The following SLC25A38 variants were observed in gnomAD, a reference collection of about 807,000 sequenced individuals.
SLC25A38 encodes the protein solute carrier family 25 member 38, also known as mitochondrial glycine transporter.
SLC25A38 carries 27 observed loss-of-function variants against 33.4 expected under a neutral mutation model. The observed-to-expected ratio is 0.81, with a 90% confidence interval of 0.60 to 1.11. SLC25A38 has a LOEUF of 1.11. Among genes scored for constraint, SLC25A38 ranks in the 50% most tolerant of loss-of-function variants. SLC25A38 has a pLI of 0.00. For missense variants in SLC25A38, 344 were observed against 388.8 expected, an observed-to-expected ratio of 0.88 and a Z score of 0.97; for synonymous variants, 123 against 145.9, an observed-to-expected ratio of 0.84 and a Z score of 1.13.
intron 6 of SLC25A38, among the ~76,000 whole-genome samples, chr3:39,396,006 C>A (rs756624451): frequency 6.6e-6 from 1 of 151,818 alleles, no homozygotes; most frequent in Admixed American, 6.6e-5. Flanking sequence ...GTCAGGAGTT[C>A]GAGACCAGCC....
chr3:39,395,206 A>C (rs773162142), intron 6 of SLC25A38, among the ~76,000 whole-genome samples: 1 of 152,228 alleles, frequency 6.6e-6, no homozygotes, highest in South Asian at 2.1e-4. Context: ...CCTGGGCCAC[A>C]TGCAGCCTGC....
At chr3:39,394,377 C>A (rs1473369643) in intron 5 of SLC25A38, 33 bp from the exon 6 acceptor site, 1 of 1,611,334 alleles carries the variant, frequency 6.2e-7, no homozygotes, top group East Asian at 2.2e-5. Context: ...AATATAAGAT[C>A]TATGTCCACA....
Position 39,396,468 on chromosome 3 carries a change from T to A in SLC25A38, c.863T>A (p.Met288Lys). The change falls in exon 7 of 7, where the codon ATG becomes AAG. Residue 288 changes from methionine to lysine, a missense_variant. Physicochemically the swap from Met to Lys is moderately conservative, Grantham distance 95 (BLOSUM62 -1). Transcript: ENST00000650617. ...CTCCGCAGAACTCTAATGGCAGCAA[T>A]GGCGTGGACGGTGTATGAAGAGATG... The part of the protein sequence containing the change: ...RALRRTLMAA[M>K]AWTVYEEMMA... The A allele has an allele frequency of 1.9e-6, 3 of 1,613,930 alleles. No homozygotes were observed. Among genetic ancestry groups the A allele is most frequent in the Non-Finnish European group, 2.5e-6 (3 of 1,179,990 alleles).
At chr3:39,386,472 G>C (rs1387053313) in intron 1 of SLC25A38, among the ~76,000 whole-genome samples, 1 of 152,202 alleles carries the variant, frequency 6.6e-6, no homozygotes, top group African/African-American at 2.4e-5. Context: ...TACTCGTGAG[G>C]CTGAGGTGGG....
intron 5 of SLC25A38, among the ~76,000 whole-genome samples, chr3:39,392,350 T>C (rs2041781634): frequency 6.6e-6 from 1 of 152,142 alleles, no homozygotes; most frequent in African/African-American, 2.4e-5. Flanking sequence ...CTGGGTCCCA[T>C]CCAAGGCCTC....
At chr3:39,390,022 C>T (rs2041744382) in intron 2 of SLC25A38, among the ~76,000 whole-genome samples, 1 of 152,194 alleles carries the variant, frequency 6.6e-6, no homozygotes, top group South Asian at 2.1e-4. Context: ...CTCACTGCAA[C>T]CTCTGCCTCC....
At chr3:39,386,905 G>C (rs759695385) in intron 1 of SLC25A38, among the ~76,000 whole-genome samples, 8 of 152,218 alleles carry the variant, frequency 5.3e-5, no homozygotes, top group Non-Finnish European at 1.0e-4. Context: ...CATCATCTGA[G>C]GTGGCCATCT....
In SLC25A38 at chr3:39,383,643, C is replaced by A; in HGVS notation, c.-82C>A. 1 of 1,533,072 alleles carries A rather than the reference C, an allele frequency of 6.5e-7. No homozygotes were observed. The highest frequency in any genetic ancestry group is 9.0e-7 in the Non-Finnish European group (1 of 1,109,020). The allele number at this position is 1,533,072 out of a possible 1,614,324, so 95.0% of individuals were successfully genotyped here. Reference sequence around the variant, plus strand: ...TCGCCTGGCTAGCGCCACCCCCTAGCCTTCTTCAAGGCCTCCAGGGCTGGG... The same window carrying A: ...TCGCCTGGCTAGCGCCACCCCCTAGACTTCTTCAAGGCCTCCAGGGCTGGG... On this transcript the variant is annotated 5_prime_UTR_variant, in exon 1 of 7. Coordinates refer to ENST00000650617, the MANE Select transcript of SLC25A38 (RefSeq NM_017875.4).
intron 1 of SLC25A38, among the ~76,000 whole-genome samples, chr3:39,386,527 A>G (rs11923378): frequency 0.013 from 1,924 of 152,316 alleles, 41 homozygotes; most frequent in African/African-American, 0.044. Flanking sequence ...GTGAGCCATG[A>G]TTGTGCCACT....
chr3:39,385,706 C>T (rs1253710642), intron 1 of SLC25A38, among the ~76,000 whole-genome samples: 1 of 152,192 alleles, frequency 6.6e-6, no homozygotes, highest in Non-Finnish European at 1.5e-5. Context: ...GTGCACCAGG[C>T]TCCGAGGTCA....
At chr3:39,396,350 T>C (rs145736760) in intron 6 of SLC25A38, 48 bp from the exon 7 acceptor site, 7 of 1,613,836 alleles carry the variant, frequency 4.3e-6, no homozygotes, top group Middle Eastern at 1.6e-4. Flanking sequence ...GATAATTAAT[T>C]GTATTGCTAC....
At position 39,383,763 on chromosome 3, in the gene SLC25A38, A is replaced by G. The variant is rs1292994401; in HGVS notation, c.39A>G (p.Gln13=). The stretch of plus-strand genomic sequence containing the variant: ...CACGTCCGTCGCTGCTGCAACCCCA[A>G]GATGTCGGAGACACGGTGGAAACGC... The part of the protein sequence containing the change: ...QNSRPSLLQP[Q]DVGDTVETLM... Residue 13 remains glutamine (Q), a synonymous_variant, in exon 1 of 7, where the codon CAA becomes CAG. Coordinates refer to ENST00000650617, the MANE Select transcript of SLC25A38 (RefSeq NM_017875.4). 1 of 1,614,136 alleles carries G rather than the reference A, an allele frequency of 6.2e-7. No individual in the cohort carries two copies. The highest frequency in any genetic ancestry group is 1.7e-5 in the Admixed American group (1 of 60,022).
intron 3 of SLC25A38, among the ~76,000 whole-genome samples, chr3:39,391,127 T>G (rs1440402696): frequency 6.6e-6 from 1 of 152,232 alleles, no homozygotes; most frequent in African/African-American, 2.4e-5. Flanking sequence ...CACTGAAAGA[T>G]GAGAGTTGGT....
At chr3:39,394,697 A>G in intron 6 of SLC25A38, 121 bp downstream of exon 6, 5 of 1,214,038 alleles carry the variant, frequency 4.1e-6, no homozygotes, top group Non-Finnish European at 5.8e-6. Flanking sequence ...CCCCATGCCC[A>G]GGTTAAAATC....
At position 39,389,695 on chromosome 3, in the gene SLC25A38, T is replaced by A; in HGVS notation, c.191+79T>A. 6.2e-7 allele frequency: 1 copy of A among 1,607,968 alleles called. No homozygotes were observed. The highest frequency in any genetic ancestry group is 8.5e-7 in the Non-Finnish European group (1 of 1,175,164). ...AACATCTTTACTGTGTTAAGTCAAC[T>A]TCCATTCTGTTGGATGTTCAGAGAG... On this transcript the variant is annotated intron_variant, in intron 2 of 6. Coordinates refer to ENST00000650617, the MANE Select transcript of SLC25A38 (RefSeq NM_017875.4). This position sits in a 1 kb window ranked among gnomAD's most constrained non-coding sequence, Gnocchi z 4.5.
chr3:39,391,487 T>C lies in SLC25A38; in HGVS notation c.323T>C (p.Leu108Pro). 1 of 1,614,218 alleles carries C rather than the reference T, an allele frequency of 6.2e-7. No individual in the cohort carries two copies. The highest frequency in any genetic ancestry group is 8.5e-7 in the Non-Finnish European group (1 of 1,180,040). The change falls in exon 4 of 7, where the codon CTC becomes CCC. Residue 108 changes from leucine (L) to proline (P), a missense_variant. Coordinates refer to ENST00000650617, the MANE Select transcript of SLC25A38 (RefSeq NM_017875.4). ...VPGVGIYFGTLYSLKQYFLRG... is the reference protein window; with the variant it reads ...VPGVGIYFGTPYSLKQYFLRG... ...GGCGTTGGAATCTACTTTGGCACTC[T>C]CTACTCTTTGAAGCAGTATTTCTTG...
chr3:39,383,871 C>T, intron 1 of SLC25A38, 78 bp downstream of exon 1: 1 of 1,513,100 alleles, frequency 6.6e-7, no homozygotes, highest in Non-Finnish European at 9.1e-7. Context: ...GTTGCTAAGG[C>T]TCGGCTACCC....
Position 39,396,410 on chromosome 3 carries a change from C to A in SLC25A38, c.805C>A (p.Arg269Ser). 6.2e-7 allele frequency: 1 copy of A among 1,614,082 alleles called. No homozygotes were observed. Among genetic ancestry groups the A allele is most frequent in the East Asian group, 2.2e-5 (1 of 44,874 alleles). The change falls in exon 7 of 7, where the codon CGT becomes AGT. Residue 269 changes from arginine (R) to serine (S), a missense_variant. By Grantham distance (110) the Arg-to-Ser change is moderately radical. Around this residue, in one of 2 missense-constraint regions of SLC25A38, gnomAD observed 75 missense variants for 117.0 expected, o/e 0.64. Transcript: ENST00000650617. ...VTLIFKDYGLRGFFQGGIPRA... is the reference protein window; with the variant it reads ...VTLIFKDYGLSGFFQGGIPRA... ...ATTTTCACCATAGGACTATGGACTA[C>A]GTGGCTTCTTCCAAGGTGGCATCCC...
At position 39,385,881 on chromosome 3, in the gene SLC25A38, TAAC is replaced by T. The variant is rs1168875481; in HGVS notation, c.69+2093_69+2095del. ...AGGGAGCAAGACCGGTGCTAGGGCA[TAAC>T]AACATGTCAGAGTTTTCAGAGGTGA... is the stretch of plus-strand genomic sequence containing the variant. On this transcript the variant is annotated intron_variant, in intron 1 of 6. Transcript: ENST00000650617. Among the ~76,000 whole-genome samples, 3 of 152,314 alleles carry T rather than the reference TAAC, an allele frequency of 2.0e-5. No individual in the cohort carries two copies. The South Asian group carries it at 6.2e-4, about 32-fold the overall frequency.
Sources: gnomAD v4.1 joint callset for allele counts (sites outside exome capture counted in the v4.1 genomes callset) on GRCh38, gnomAD v4.1.1 for gene constraint, gnomAD v4.1.1 regional missense constraint, Gnocchi (gnomAD v3.1) non-coding constraint, MANE v1.5 for transcripts, NCBI Gene and HGNC (gene_info 2026-07-23, HGNC 2026-07-21) for gene names.